The following NCEH1 variants were observed in gnomAD, a reference collection of about 807,000 sequenced individuals.
NCEH1 encodes the protein neutral cholesterol ester hydrolase 1.
In NCEH1, 9 loss-of-function variants were observed where a neutral mutation model predicts 25.4. The ratio of observed to expected loss-of-function variants is 0.35; its 90% CI spans 0.21 to 0.62. NCEH1 has a LOEUF of 0.62. NCEH1 is among the 20% of genes least tolerant of loss of function. NCEH1 has a pLI of 0.72. For missense variants in NCEH1, 412 were observed against 501.1 expected (o/e 0.82, Z 1.70); for synonymous variants, 200 against 199.8 (o/e 1.00, Z -0.01).
At chr3:172,686,617 T>G (rs918633125) in intron 1 of NCEH1, among the ~76,000 whole-genome samples, 3 of 152,308 alleles carry the variant, frequency 2.0e-5, no homozygotes, top group Non-Finnish European at 4.4e-5. Flanking sequence ...TCCAAGGGAC[T>G]AGAGGAATAA....
rs1486600094 is a variant in NCEH1 at position 172,656,339 on chromosome 3, G to A, written c.139-8225C>T. ...AGATCCTAGAGGAAGGAGGACATAG[G>A]ATCTGGAAAGCAGATGGAAGGGAGA... On this transcript the variant is annotated intron_variant, in intron 1 of 4. Transcript: ENST00000475381. 3.9e-5 allele frequency among the ~76,000 whole-genome samples: 6 copies of A among 152,212 alleles called. 1 individual carries two copies. Among genetic ancestry groups the A allele is most frequent in the Admixed American group, 3.9e-4 (6 of 15,278 alleles).
chr3:172,672,276 G>C (rs1711679916), intron 1 of NCEH1, among the ~76,000 whole-genome samples: 1 of 152,164 alleles, frequency 6.6e-6, no homozygotes, highest in Non-Finnish European at 1.5e-5. Flanking sequence ...AAGTTGGACA[G>C]GCTAGTTTCA....
At chr3:172,686,839 A>G (rs1413808760) in intron 1 of NCEH1, among the ~76,000 whole-genome samples, 1 of 152,084 alleles carries the variant, frequency 6.6e-6, no homozygotes, top group Non-Finnish European at 1.5e-5. Flanking sequence ...AAGTTTTCCT[A>G]GTTGATTCCA....
At chr3:172,706,594 G>A (rs1178250234) in intron 1 of NCEH1, among the ~76,000 whole-genome samples, 1 of 150,516 alleles carries the variant, frequency 6.6e-6, no homozygotes, top group Non-Finnish European at 1.5e-5. Context: ...CACCTCCCTG[G>A]TTCAAGCGAT....
At chr3:172,683,021 G>A (rs1372561499) in intron 1 of NCEH1, among the ~76,000 whole-genome samples, 2 of 152,222 alleles carry the variant, frequency 1.3e-5, no homozygotes, top group African/African-American at 2.4e-5. Context: ...CATTAGCTAT[G>A]CTTTCATTAT....
intron 1 of NCEH1, among the ~76,000 whole-genome samples, chr3:172,678,365 G>C (rs4894427): frequency 0.5 from 75,304 of 152,054 alleles, 18,977 homozygotes; most frequent in East Asian, 0.7. Flanking sequence ...GCCAGTTCCA[G>C]AGGCAAGAAG....
chr3:172,635,259 A>G (rs1389514939), intron 4 of NCEH1, among the ~76,000 whole-genome samples: 1 of 152,210 alleles, frequency 6.6e-6, no homozygotes, highest in East Asian at 1.9e-4. Context: ...TCATAATTAG[A>G]ATGACAGATG....
chr3:172,671,958 G>A (rs916250010), intron 1 of NCEH1, among the ~76,000 whole-genome samples: 3 of 152,166 alleles, frequency 2.0e-5, no homozygotes, highest in African/African-American at 7.2e-5. Flanking sequence ...TAAGTGTACA[G>A]TATTTATAAG....
chr3:172,642,745 A>C (rs1050708580), intron 3 of NCEH1, among the ~76,000 whole-genome samples: 1 of 152,146 alleles, frequency 6.6e-6, no homozygotes, highest in Admixed American at 6.5e-5. Context: ...GTGCTTTTGA[A>C]TATCTGAACT....
At chr3:172,658,631 C>T (rs1000975251) in intron 1 of NCEH1, among the ~76,000 whole-genome samples, 8 of 152,126 alleles carry the variant, frequency 5.3e-5, no homozygotes, top group Non-Finnish European at 8.8e-5. Flanking sequence ...AATTTCATGA[C>T]AAGCTACAAA....
intron 1 of NCEH1, among the ~76,000 whole-genome samples, chr3:172,705,414 C>T (rs1001275493): frequency 1.3e-5 from 2 of 152,156 alleles, no homozygotes; most frequent in African/African-American, 2.4e-5. Flanking sequence ...ATGTGAGCAC[C>T]GCCCATCATG....
At chr3:172,697,297 G>A (rs1042957518) in intron 1 of NCEH1, among the ~76,000 whole-genome samples, 4 of 152,044 alleles carry the variant, frequency 2.6e-5, no homozygotes. Flanking sequence ...TAGCCCCCAG[G>A]TAAGCAGGCC....
intron 1 of NCEH1, among the ~76,000 whole-genome samples, chr3:172,705,637 T>C (rs981130181): frequency 6.0e-4 from 91 of 152,082 alleles, no homozygotes; most frequent in African/African-American, 2.1e-3. Context: ...TTTCTATATA[T>C]AAAGTGGTTC....
Position 172,632,139 on chromosome 3 carries a change from G to T in NCEH1, c.*1336C>A, listed in dbSNP as rs1577046570. ...TAAAAAGCGGAGATGAGCAGTGTGT[G>T]CCTTGCCTAAGCTACTGAACTATAA... On this transcript the variant is annotated 3_prime_UTR_variant, in exon 5 of 5. Coordinates refer to ENST00000475381, the MANE Select transcript of NCEH1 (RefSeq NM_020792.6). 6.6e-6 allele frequency: 1 copy of T among 152,356 alleles called. No homozygotes were observed. The highest frequency in any genetic ancestry group is 1.5e-5 in the Non-Finnish European group (1 of 68,032). 9.4% of individuals were successfully genotyped at this position (152,356 alleles called of 1,614,324 possible). A position where few individuals can be genotyped will look rare whatever the true frequency, so the allele number is the denominator to read the frequency against.
chr3:172,705,168 G>T (rs1713906407), intron 1 of NCEH1, among the ~76,000 whole-genome samples: 1 of 152,170 alleles, frequency 6.6e-6, no homozygotes, highest in African/African-American at 2.4e-5. Flanking sequence ...TGTTTTGAAA[G>T]ATATTTTTTG....
intron 1 of NCEH1, among the ~76,000 whole-genome samples, chr3:172,666,807 T>C (rs768397061): frequency 6.6e-6 from 1 of 152,220 alleles, no homozygotes; most frequent in African/African-American, 2.4e-5. Context: ...ACTTTCTGTG[T>C]GTTGAATGTG....
chr3:172,673,015 C>G (rs751476152), intron 1 of NCEH1, among the ~76,000 whole-genome samples: 6 of 152,198 alleles, frequency 3.9e-5, no homozygotes, highest in Non-Finnish European at 5.9e-5. Flanking sequence ...GCCATCATAG[C>G]ATAGGAGCCC....
At chr3:172,696,767 T>C (rs1334539996) in intron 1 of NCEH1, among the ~76,000 whole-genome samples, 1 of 152,184 alleles carries the variant, frequency 6.6e-6, no homozygotes, top group Non-Finnish European at 1.5e-5. Flanking sequence ...AAGAGATCTA[T>C]AGTCAATTAA....
chr3:172,702,196 CCT>C (rs145586818), intron 1 of NCEH1, among the ~76,000 whole-genome samples: 4,981 of 152,304 alleles, frequency 0.033, 225 homozygotes, highest in African/African-American at 0.1. Context: ...ATTTCGGTCT[CCT>C]CCTTTGTCAC....
Sources: gnomAD v4.1 joint callset for allele counts (sites outside exome capture counted in the v4.1 genomes callset) on GRCh38, gnomAD v4.1.1 for gene constraint, MANE v1.5 for transcripts, NCBI Gene and HGNC (gene_info 2026-07-23, HGNC 2026-07-21) for gene names.